The following AHNAK variants were observed in gnomAD, a reference collection of about 807,000 sequenced individuals.
AHNAK encodes the protein AHNAK nucleoprotein.
Under a neutral mutation model 37.8 loss-of-function variants are expected in AHNAK, and 23 were observed. The ratio of observed to expected loss-of-function variants is 0.61; its 90% CI spans 0.44 to 0.86. The LOEUF is 0.86. Among genes scored for constraint, AHNAK ranks in the 40% least tolerant of loss-of-function variants. AHNAK has a pLI of 0.00. For missense variants in AHNAK, 7,411 were observed against 7,319.4 expected (o/e 1.01, Z -0.46); for synonymous variants, 2,481 against 2,636.3 (o/e 0.94, Z 1.80).
intron 4 of AHNAK, 47 bp from the exon 5 acceptor site, chr11:62,534,121 G>C: frequency 6.7e-7 from 1 of 1,499,490 alleles, no homozygotes; most frequent in Non-Finnish European, 8.9e-7. Flanking sequence ...GTCTGCCTGA[G>C]TTAGCAGATG....
chr11:62,516,474 A>G lies in AHNAK; in HGVS notation c.*270T>C, dbSNP rs1461299405. 1 of 1,324,008 alleles carries G rather than the reference A, an allele frequency of 7.6e-7. No individual in the cohort carries two copies. Among genetic ancestry groups the G allele is most frequent in the Non-Finnish European group, 9.7e-7 (1 of 1,034,130 alleles). The allele number at this position is 1,324,008 out of a possible 1,614,324, so 82.0% of individuals were successfully genotyped here. On this transcript the variant is annotated 3_prime_UTR_variant, in exon 5 of 5. Coordinates refer to ENST00000378024, the MANE Select transcript of AHNAK (RefSeq NM_001620.3). ...AGTAAACAGGAGCTCTCAGCAGTCA[A>G]TGCAAAAAAATATATATATATGAAA...
At chr11:62,453,845 G>A (rs529942864) in intron 5 of AHNAK, among the ~76,000 whole-genome samples, 2 of 152,218 alleles carry the variant, frequency 1.3e-5, no homozygotes, top group Non-Finnish European at 2.9e-5. Flanking sequence ...CATCTGGCCG[G>A]GCGCGGTGGC....
intron 4 of AHNAK, among the ~76,000 whole-genome samples, chr11:62,501,790 G>T (rs1481661002): frequency 6.6e-6 from 1 of 152,182 alleles, no homozygotes; most frequent in Non-Finnish European, 1.5e-5. Context: ...TGTCTGTCAG[G>T]CTCAAAGAGA....
rs770825772 is a variant in AHNAK at position 62,535,930 on chromosome 11, C to G, written c.154+15G>C. 46 of 1,605,734 alleles carry G rather than the reference C, an allele frequency of 2.9e-5. No homozygotes were observed. The highest frequency in any genetic ancestry group is 3.6e-5 in the Non-Finnish European group (42 of 1,177,584). On this transcript the variant is annotated intron_variant, in intron 3 of 4. Coordinates refer to ENST00000378024, the MANE Select transcript of AHNAK (RefSeq NM_001620.3). The stretch of plus-strand genomic sequence containing the variant: ...CCAACCACCAGCACCCAGTCCACAC[C>G]CTGGGGTGACTCACCCTCCTTGACC...
At chr11:62,481,879 A>G (rs1590619057) in intron 5 of AHNAK, among the ~76,000 whole-genome samples, 1 of 151,990 alleles carries the variant, frequency 6.6e-6, no homozygotes, top group East Asian at 1.9e-4. Flanking sequence ...AATACTCTTT[A>G]AAGTCTGAGT....
downstream of AHNAK, among the ~76,000 whole-genome samples, chr11:62,515,432 G>C (rs567282086): frequency 6.6e-6 from 1 of 152,188 alleles, no homozygotes; most frequent in Non-Finnish European, 1.5e-5. Flanking sequence ...CAGGAAAATC[G>C]CTTGAACCCA....
In AHNAK at chr11:62,532,698, T is replaced by C; in HGVS notation, c.1719A>G (p.Glu573=). 1 of 1,614,006 alleles carries C rather than the reference T, an allele frequency of 6.2e-7. No homozygotes were observed. The highest frequency in any genetic ancestry group is 8.5e-7 in the Non-Finnish European group (1 of 1,179,994). Residue 573 remains glutamate, a synonymous_variant, in exon 5 of 5, where the codon GAA becomes GAG. Transcript: ENST00000378024. The part of the protein sequence containing the change: ...KTGTCRISMS[E]VDLNVAAPKV... ...TAGGTGCGGCCACATTTAAGTCTACTTCTGACATAGAGATCCTACAGGTTC... is the reference window on the plus strand; with the variant it reads ...TAGGTGCGGCCACATTTAAGTCTACCTCTGACATAGAGATCCTACAGGTTC...
rs138521071 is a variant in AHNAK, at chr11:62,540,166, C to A, written c.-99-3599G>T. 2.6e-5 allele frequency among the ~76,000 whole-genome samples: 4 copies of A among 152,318 alleles called. No homozygotes were observed. In the East Asian group the frequency reaches 7.7e-4, roughly 29 times the overall value. ...CACGATTCAGCCAAGTGCCATAAGC[C>A]TTCAGAGCTAGGAGAGACCTAGAGT... On this transcript the variant is annotated intron_variant, in intron 1 of 4. Coordinates refer to ENST00000378024, the MANE Select transcript of AHNAK (RefSeq NM_001620.3).
At position 62,483,562 on chromosome 11, in the gene AHNAK, TA is replaced by T. The variant is rs879850631; in HGVS notation, c.442+8169del. Among the ~76,000 whole-genome samples, 293 of 139,610 alleles carry T rather than the reference TA, an allele frequency of 2.1e-3. 1 individual carries two copies. Among genetic ancestry groups the T allele is most frequent in the Non-Finnish European group, 3.4e-3 (219 of 64,820 alleles). 91.6% of individuals were successfully genotyped at this position (139,610 alleles called of 152,430 possible). ...TAACACGGTGAAACCCCGTCTCTAC[TA>T]AAAAAAAAACTACAGCCAGGCGCGG... On this transcript the variant is annotated intron_variant, in intron 5 of 5. Coordinates refer to the AHNAK transcript ENST00000257247.
At chr11:62,469,411 T>A (rs1938983070) in intron 5 of AHNAK, among the ~76,000 whole-genome samples, 1 of 151,926 alleles carries the variant, frequency 6.6e-6, no homozygotes, top group Non-Finnish European at 1.5e-5. Flanking sequence ...CGTGAACTAC[T>A]GCGTCCAGCC....
Position 62,533,342 on chromosome 11 carries a change from GCACACTGACTT to G in AHNAK, c.1064_1074del (p.Glu355AlafsTer6). The G allele has an allele frequency of 6.4e-7, 1 of 1,557,884 alleles. No homozygotes were observed. Among genetic ancestry groups the G allele is most frequent in the Non-Finnish European group, 8.7e-7 (1 of 1,153,978 alleles). ...TCAAGGCCCTCAATATTGGCAGAGG[GCACACTGACTT>G]CCAGCTGAGGGGCTTGGATAGTCAA... is the stretch of plus-strand genomic sequence containing the variant. On this transcript the variant is annotated frameshift_variant, in exon 5 of 5. Coordinates refer to ENST00000378024, the MANE Select transcript of AHNAK (RefSeq NM_001620.3). LOFTEE classifies it low-confidence loss of function (END_TRUNC).
chr11:62,541,077 C>T (rs1043647063), intron 1 of AHNAK, among the ~76,000 whole-genome samples: 10 of 152,310 alleles, frequency 6.6e-5, no homozygotes, highest in Admixed American at 4.6e-4. Flanking sequence ...GGATGGAAAC[C>T]GGGCCAACTG....
intron 5 of AHNAK, among the ~76,000 whole-genome samples, chr11:62,460,010 C>T (rs1052141969): frequency 2.6e-5 from 4 of 151,670 alleles, no homozygotes; most frequent in South Asian, 2.1e-4. Flanking sequence ...CATAGCTATT[C>T]GGGAGGCTGA....
intron 5 of AHNAK, among the ~76,000 whole-genome samples, chr11:62,470,071 A>G (rs906021286): frequency 1.3e-4 from 19 of 151,798 alleles, no homozygotes; most frequent in Non-Finnish European, 2.4e-4. Context: ...TTGGGAGGCC[A>G]AGGTGGGCGG....
chr11:62,485,844 C>T (rs184325426), intron 5 of AHNAK, among the ~76,000 whole-genome samples: 1 of 151,402 alleles, frequency 6.6e-6, no homozygotes, highest in East Asian at 2.0e-4. Context: ...TAGTGAAATC[C>T]TCATCTCTGC....
rs1243520527 is a variant in AHNAK at position 62,525,049 on chromosome 11, G to A, written c.9368C>T (p.Pro3123Leu). 3.1e-6 allele frequency: 5 copies of A among 1,613,906 alleles called. No individual in the cohort carries two copies. The highest frequency in any genetic ancestry group is 1.1e-5 in the South Asian group (1 of 91,066). Residue 3123 changes from proline to leucine, a missense_variant, in exon 5 of 5, where the codon CCT becomes CTT. Pro to Leu is a moderately conservative substitution (Grantham distance 98). Coordinates refer to ENST00000378024, the MANE Select transcript of AHNAK (RefSeq NM_001620.3). ...LPKVEGDMKVPDVDIKGPKVD... is the reference protein window; with the variant it reads ...LPKVEGDMKVLDVDIKGPKVD... ...TTTGGGGCCTTTAATATCCACGTCAGGAACTTTCATGTCACCTTCCACTTT... is the reference window on the plus strand; with the variant it reads ...TTTGGGGCCTTTAATATCCACGTCAAGAACTTTCATGTCACCTTCCACTTT...
At chr11:62,485,701 C>CA (rs1286819688) in intron 5 of AHNAK, among the ~76,000 whole-genome samples, 1,529 of 51,610 alleles carry the variant, frequency 0.03, 46 homozygotes, top group East Asian at 0.061. Context: ...GACTCCATCT[C>CA]AAAAAAAAAA....
chr11:62,443,906 G>A (rs1017187726), intron 5 of AHNAK, among the ~76,000 whole-genome samples: 3 of 152,188 alleles, frequency 2.0e-5, no homozygotes, highest in African/African-American at 7.2e-5. Context: ...TCCTGCCCCT[G>A]GCCAGCCTTA....
At position 62,524,077 on chromosome 11, in the gene AHNAK, G is replaced by A; in HGVS notation, c.10340C>T (p.Pro3447Leu). The change falls in exon 5 of 5, where the codon CCC becomes CTC. Residue 3447 changes from proline to leucine, a missense_variant. Pro to Leu is a moderately conservative substitution (Grantham distance 98). Transcript: ENST00000378024. ...GPNLEGDFKG[P>L]KVDIKAPEVN... is the part of the protein sequence containing the mutation. ...TTCTGGTGCCTTAATATCCACTTTG[G>A]GGCCTTTAAAGTCACCTTCTAAATT... is the stretch of plus-strand genomic sequence containing the variant. The A allele has an allele frequency of 6.2e-7, 1 of 1,613,976 alleles. No individual in the cohort carries two copies.
Sources: gnomAD v4.1 joint callset for allele counts (sites outside exome capture counted in the v4.1 genomes callset) on GRCh38, gnomAD v4.1.1 for gene constraint, MANE v1.5 for transcripts, NCBI Gene and HGNC (gene_info 2026-07-23, HGNC 2026-07-21) for gene names.